PSD3: variants seen among roughly 807,000 people sequenced by gnomAD.
The protein encoded by PSD3 is pleckstrin and Sec7 domain containing 3, also known as PH and SEC7 domain-containing protein 3.
PSD3 carries 49 observed loss-of-function variants against 105.5 expected under a neutral mutation model. The observed-to-expected ratio is 0.46, with a 90% CI of 0.37 to 0.59. The LOEUF (loss-of-function observed/expected upper bound fraction) is 0.59, where lower values mean the gene tolerates loss of function less well. PSD3 is among the 20% of genes least tolerant of loss of function. The probability of loss-of-function intolerance (pLI) is 0.00; values close to 1 mark genes in which losing one functional copy is unlikely to be tolerated. For missense variants in PSD3, 1,561 were observed against 1,263.8 expected, an observed-to-expected ratio of 1.24 and a Z score of -3.57; for synonymous variants, 557 against 457.8, an observed-to-expected ratio of 1.22 and a Z score of -2.77.
intron 1 of PSD3, among the ~76,000 whole-genome samples, chr8:19,079,652 T>C (rs1829578206): frequency 6.6e-6 from 1 of 152,196 alleles, no homozygotes; most frequent in Non-Finnish European, 1.5e-5. Flanking sequence ...GGGGACTTTA[T>C]TTAACTAGAA....
intron 9 of PSD3, among the ~76,000 whole-genome samples, chr8:18,716,095 T>C (rs1416702814): frequency 6.6e-6 from 1 of 152,188 alleles, no homozygotes; most frequent in Non-Finnish European, 1.5e-5. Context: ...GGCCCAATTG[T>C]TGGTCAGGCC....
intron 12 of PSD3, among the ~76,000 whole-genome samples, chr8:18,593,229 C>G (rs1285955073): frequency 6.6e-6 from 1 of 152,186 alleles, no homozygotes; most frequent in African/African-American, 2.4e-5. Flanking sequence ...ACTCATCTGA[C>G]AAAGGGCTAA....
At chr8:19,081,967 A>C (rs1156746266) in intron 1 of PSD3, among the ~76,000 whole-genome samples, 1 of 152,178 alleles carries the variant, frequency 6.6e-6, no homozygotes, top group Non-Finnish European at 1.5e-5. Context: ...ATTATGGGGG[A>C]TCGAGGGCAT....
At chr8:18,536,652 A>G (rs1438961670) in intron 15 of PSD3, among the ~76,000 whole-genome samples, 1 of 152,198 alleles carries the variant, frequency 6.6e-6, no homozygotes, top group East Asian at 1.9e-4. Context: ...AATATTCATT[A>G]CCAACTATGT....
intron 1 of PSD3, among the ~76,000 whole-genome samples, chr8:18,988,523 T>C (rs2898483): frequency 0.42 from 63,431 of 152,004 alleles, 14,115 homozygotes; most frequent in Non-Finnish European, 0.51. Context: ...TAGGAAATGG[T>C]TTTCCTAATT....
intron 4 of PSD3, among the ~76,000 whole-genome samples, chr8:18,809,888 C>G (rs1423364194): frequency 6.6e-6 from 1 of 152,028 alleles, no homozygotes; most frequent in East Asian, 1.9e-4. Context: ...ACACAAAAAC[C>G]CTCCTCTGTG....
chr8:18,617,862 AATCAAAGT>A (rs1805810752), intron 11 of PSD3, among the ~76,000 whole-genome samples: 1 of 152,180 alleles, frequency 6.6e-6, no homozygotes, highest in African/African-American at 2.4e-5. Context: ...TCCTAAGGGA[AATCAAAGT>A]ATTGTACCCC....
intron 1 of PSD3, among the ~76,000 whole-genome samples, chr8:18,954,815 G>A (rs753638984): frequency 1.7e-4 from 26 of 152,092 alleles, no homozygotes; most frequent in Admixed American, 1.1e-3. Flanking sequence ...TGATACAGAC[G>A]GTTCAAGGAC....
intron 11 of PSD3, among the ~76,000 whole-genome samples, chr8:18,620,614 TA>T (rs1369585858): frequency 6.6e-6 from 1 of 151,838 alleles, no homozygotes; most frequent in Admixed American, 6.6e-5. Context: ...TAGGCTGAGG[TA>T]GGGGGGACTG....
At chr8:18,601,521 G>C (rs114362882) in intron 11 of PSD3, among the ~76,000 whole-genome samples, 5,547 of 152,178 alleles carry the variant, frequency 0.036, 168 homozygotes, top group East Asian at 0.12. Flanking sequence ...GGAACTAGGT[G>C]AATAGCCACT....
At chr8:18,703,449 G>T (rs1009756757) in intron 9 of PSD3, among the ~76,000 whole-genome samples, 3 of 152,188 alleles carry the variant, frequency 2.0e-5, no homozygotes, top group Non-Finnish European at 4.4e-5. Context: ...TCACTAGGTG[G>T]TTGGACTCTG....
At chr8:18,883,074 T>G (rs914505226) in intron 2 of PSD3, among the ~76,000 whole-genome samples, 2 of 152,082 alleles carry the variant, frequency 1.3e-5, no homozygotes, top group Admixed American at 1.3e-4. Flanking sequence ...TGTTAGAAAT[T>G]CAGACTCTCA....
chr8:18,759,094 T>A (rs73199965), intron 9 of PSD3, among the ~76,000 whole-genome samples: 27,339 of 134,514 alleles, frequency 0.2, 3,687 homozygotes, highest in African/African-American at 0.41. Flanking sequence ...ACACACACAC[T>A]CTCTCTCTCT....
chr8:18,853,743 A>T lies in PSD3; in HGVS notation c.1634+13931T>A, dbSNP rs545288921. ...GACCCCACTACATGACTAAGCTCAA[A>T]TTAGTGACCTTCCACAGCCTGGATG... On this transcript the variant is annotated intron_variant, in intron 4 of 15. Coordinates refer to ENST00000327040, the MANE Select transcript of PSD3 (RefSeq NM_015310.4). Among the ~76,000 whole-genome samples the T allele has an allele frequency of 6.6e-5, 10 of 152,300 alleles. No homozygotes were observed. In the East Asian group the frequency reaches 1.9e-3, roughly 29 times the overall value.
intron 8 of PSD3, among the ~76,000 whole-genome samples, chr8:18,770,271 T>C (rs1807393696): frequency 6.6e-6 from 1 of 152,240 alleles, no homozygotes; most frequent in Non-Finnish European, 1.5e-5. Flanking sequence ...GCATGTCTTC[T>C]TTAGAGAAAG....
At chr8:18,669,365 T>C (rs1052568287) in intron 9 of PSD3, among the ~76,000 whole-genome samples, 1 of 152,230 alleles carries the variant, frequency 6.6e-6, no homozygotes, top group African/African-American at 2.4e-5. Flanking sequence ...GCTTATAAGG[T>C]TGAATTTGTA....
Position 18,804,821 on chromosome 8 carries a change from G to T in PSD3, c.1712C>A (p.Pro571Gln). ...GCTGGTACCATTACTGAGATTTTCTGGGGTCTCCTTTTCCAAAATTTCAGT... is the reference window on the plus strand; with the variant it reads ...GCTGGTACCATTACTGAGATTTTCTTGGGTCTCCTTTTCCAAAATTTCAGT... ...GSTEILEKET[P>Q]ENLSNGTSSN... is the part of the protein sequence containing the mutation. The change falls in exon 5 of 16, where the codon CCA becomes CAA. Residue 571 changes from proline to glutamine, a missense_variant. Physicochemically the swap from Pro to Gln is moderately conservative, Grantham distance 76 (BLOSUM62 -1). Coordinates refer to ENST00000327040, the MANE Select transcript of PSD3 (RefSeq NM_015310.4). The T allele has an allele frequency of 6.2e-7, 1 of 1,613,982 alleles. No individual in the cohort carries two copies. Among genetic ancestry groups the T allele is most frequent in the Non-Finnish European group, 8.5e-7 (1 of 1,179,902 alleles).
At position 18,678,980 on chromosome 8, in the gene PSD3, GA is replaced by G. The variant is rs1585595426; in HGVS notation, c.2173-23296del. 2.0e-5 allele frequency among the ~76,000 whole-genome samples: 3 copies of G among 150,070 alleles called. No individual in the cohort carries two copies. The East Asian group carries it at 5.8e-4, about 29-fold the overall frequency. On this transcript the variant is annotated intron_variant, in intron 9 of 15. Transcript: ENST00000327040. Reference sequence around the variant, plus strand: ...CTATTCAGCTAAAGGATGAATTTATGAGGTTAAAAATGTACTCCTTCAACTT... The same window carrying G: ...CTATTCAGCTAAAGGATGAATTTATGGGTTAAAAATGTACTCCTTCAACTT...
At chr8:18,720,667 A>C (rs1802908682) in intron 9 of PSD3, among the ~76,000 whole-genome samples, 1 of 152,214 alleles carries the variant, frequency 6.6e-6, no homozygotes, top group African/African-American at 2.4e-5. Context: ...TCCAGTGTTT[A>C]GTACAAACCC....
Sources: gnomAD v4.1 joint callset for allele counts (sites outside exome capture counted in the v4.1 genomes callset) on GRCh38, gnomAD v4.1.1 for gene constraint, MANE v1.5 for transcripts, NCBI Gene and HGNC (gene_info 2026-07-23, HGNC 2026-07-21) for gene names.